SPANXN5: variants seen among roughly 807,000 people sequenced by gnomAD.
The protein encoded by SPANXN5 is SPANX family member N5, also known as sperm protein associated with the nucleus on the X chromosome N5.
Under a neutral mutation model 4.5 loss-of-function variants are expected in SPANXN5, and 5 were observed. The ratio of observed to expected loss-of-function variants is 1.11; its 90% CI spans 0.58 to 2.33. The LOEUF is 2.33. Ranked by LOEUF, SPANXN5 falls within the 30% of genes most tolerant of loss-of-function variation. SPANXN5 has a pLI of 0.01. For missense variants in SPANXN5, 41 were observed against 50.3 expected, an observed-to-expected ratio of 0.82 and a Z score of 0.56; for synonymous variants, 20 against 20.4, an observed-to-expected ratio of 0.98 and a Z score of 0.05.
In SPANXN5 at chrX:52,796,185, G is replaced by T; in HGVS notation, c.*303C>A. On this transcript the variant is annotated 3_prime_UTR_variant, in exon 2 of 2. Coordinates refer to ENST00000375511, the MANE Select transcript of SPANXN5 (RefSeq NM_001009616.4). ...GATTTTATTGTAATCATCACCGTTG[G>T]TGGTGAGGATTTGTCCAATTTGGTT... The T allele has an allele frequency of 1.4e-5, 4 of 295,331 alleles. No individual in the cohort carries two copies. The highest frequency in any genetic ancestry group is 6.7e-5 in the East Asian group (1 of 14,883). 24.3% of individuals were successfully genotyped at this position (295,331 alleles called of 1,213,427 possible).
At chrX:52,796,977 C>G (rs1366977291) in intron 1 of SPANXN5, among the ~76,000 whole-genome samples, 15 of 111,765 alleles carry the variant, frequency 1.3e-4, no homozygotes, top group Non-Finnish European at 2.4e-4. Context: ...CCTATCATAT[C>G]TTGCTTGGCA....
rs1285312276 is a variant in SPANXN5, at chrX:52,796,550, C to A, written c.157G>T (p.Val53Leu). 1.7e-6 allele frequency: 2 copies of A among 1,209,794 alleles called. No homozygotes were observed. The highest frequency in any genetic ancestry group is 2.2e-6 in the Non-Finnish European group (2 of 894,793). The change falls in exon 2 of 2, where the codon GTG (valine) becomes TTG (leucine). Residue 53 changes from valine to leucine, a missense_variant. By Grantham distance (32) the Val-to-Leu change is conservative (BLOSUM62 1). Coordinates refer to ENST00000375511, the MANE Select transcript of SPANXN5 (RefSeq NM_001009616.4). ...MKTSEYSTVL[V>L]LCYRKTKKIH... is the part of the protein sequence containing the mutation. ...TTCTTAGTCTTCCTGTAGCACAACA[C>A]TAATACTGTTGAATATTCTGATGTT...
In SPANXN5 at chrX:52,796,593, C is replaced by T. The variant is rs782727652; in HGVS notation, c.114G>A (p.Pro38=). The change falls in exon 2 of 2, where the codon CCG becomes CCA. Residue 38 remains proline, a synonymous_variant. Transcript: ENST00000375511. The part of the protein sequence containing the change: ...ETPNRDLVLE[P]SLKKMKTSEY... ...CTGATGTTTTCATCTTTTTCAAACT[C>T]GGTTCGAGGACTAAGTCCCTGTTTG... 24 of 1,209,926 alleles carry T rather than the reference C, an allele frequency of 2.0e-5. No homozygotes were observed. Among genetic ancestry groups the T allele is most frequent in the South Asian group, 7.0e-5 (4 of 56,795 alleles).
chrX:52,796,514 T>C lies in SPANXN5; in HGVS notation c.193A>G (p.Asn65Asp), dbSNP rs1926572014. Reference sequence around the variant, plus strand: ...CAGGACTGGTCATTCTCGAGTTGATTTGAATGTATTTTCTTAGTCTTCCTG... The same window carrying C: ...CAGGACTGGTCATTCTCGAGTTGATCTGAATGTATTTTCTTAGTCTTCCTG... ...CYRKTKKIHS[N>D]QLENDQS Residue 65 changes from asparagine to aspartate, a missense_variant, in exon 2 of 2, where the codon AAT becomes GAT. Coordinates refer to ENST00000375511, the MANE Select transcript of SPANXN5 (RefSeq NM_001009616.4). 1 of 1,209,670 alleles carries C rather than the reference T, an allele frequency of 8.3e-7. No homozygotes were observed. The highest frequency in any genetic ancestry group is 1.1e-6 in the Non-Finnish European group (1 of 894,858).
Position 52,797,176 on chromosome X carries a change from C to T in SPANXN5, c.75+98G>A. ...GCATTAAGCTGGTCCCCCACTTCCACAAGCGTCTGCAGTATTCCTGTGTTG... is the reference window on the plus strand; with the variant it reads ...GCATTAAGCTGGTCCCCCACTTCCATAAGCGTCTGCAGTATTCCTGTGTTG... On this transcript the variant is annotated intron_variant, in intron 1 of 1. Coordinates refer to ENST00000375511, the MANE Select transcript of SPANXN5 (RefSeq NM_001009616.4). 3.1e-6 allele frequency: 3 copies of T among 961,117 alleles called. No homozygotes were observed. In the Admixed American group the frequency reaches 6.8e-5, roughly 22 times the overall value. The allele number at this position is 961,117 out of a possible 1,213,427, so 79.2% of individuals were successfully genotyped here.
intron 1 of SPANXN5, 81 bp from the exon 2 acceptor site, chrX:52,796,712 T>G (rs2146521716): frequency 8.7e-7 from 1 of 1,147,040 alleles, no homozygotes; most frequent in African/African-American, 1.8e-5. Flanking sequence ...GGGGGCTTTA[T>G]GAGAAGGAAT....
chrX:52,797,208 G>C, intron 1 of SPANXN5, 66 bp downstream of exon 1: 4 of 1,126,151 alleles, frequency 3.6e-6, no homozygotes, highest in Middle Eastern at 2.4e-4. Flanking sequence ...GTTGCTGTTT[G>C]AGCTGCCCCC....
intron 1 of SPANXN5, 83 bp downstream of exon 1, chrX:52,797,191 T>C: frequency 9.7e-7 from 1 of 1,031,455 alleles, no homozygotes; most frequent in Middle Eastern, 2.6e-4. Flanking sequence ...GTCTGCAGTA[T>C]TCCTGTGTTG....
chrX:52,796,550 C>T lies in SPANXN5; in HGVS notation c.157G>A (p.Val53Met). The stretch of plus-strand genomic sequence containing the variant: ...TTCTTAGTCTTCCTGTAGCACAACA[C>T]TAATACTGTTGAATATTCTGATGTT... ...MKTSEYSTVL[V>M]LCYRKTKKIH... The change falls in exon 2 of 2, where the codon GTG (valine) becomes ATG (methionine). Residue 53 changes from valine to methionine, a missense_variant. Transcript: ENST00000375511. The T allele has an allele frequency of 8.3e-7, 1 of 1,211,305 alleles. No individual in the cohort carries two copies. The highest frequency in any genetic ancestry group is 3.0e-5 in the East Asian group (1 of 33,865).
At position 52,796,594 on chromosome X, in the gene SPANXN5, G is replaced by T. The variant is rs150967779; in HGVS notation, c.113C>A (p.Pro38Gln). Residue 38 changes from proline (P) to glutamine (Q), a missense_variant, in exon 2 of 2, where the codon CCG becomes CAG. Transcript: ENST00000375511. ...ETPNRDLVLE[P>Q]SLKKMKTSEY... ...TGATGTTTTCATCTTTTTCAAACTC[G>T]GTTCGAGGACTAAGTCCCTGTTTGG... The T allele has an allele frequency of 1.6e-5, 19 of 1,209,785 alleles. No homozygotes were observed. The African/African-American group carries it at 2.8e-4, about 18-fold the overall frequency.
chrX:52,796,316 C>T lies in SPANXN5; in HGVS notation c.*172G>A, dbSNP rs1446284369. ...CCTTCAGATGAGTCTAGGTCTTCATCCTCTTGTGAAGATCCTTCAGATAAC... is the reference window on the plus strand; with the variant it reads ...CCTTCAGATGAGTCTAGGTCTTCATTCTCTTGTGAAGATCCTTCAGATAAC... On this transcript the variant is annotated 3_prime_UTR_variant, in exon 2 of 2. Transcript: ENST00000375511. The T allele has an allele frequency of 8.6e-6, 6 of 699,708 alleles. No homozygotes were observed. Among genetic ancestry groups the T allele is most frequent in the Non-Finnish European group, 1.3e-5 (6 of 461,760 alleles). 57.7% of individuals were successfully genotyped at this position (699,708 alleles called of 1,213,427 possible). A position where few individuals can be genotyped will look rare whatever the true frequency, so the allele number is the denominator to read the frequency against.
At position 52,796,522 on chromosome X, in the gene SPANXN5, AT is replaced by A; in HGVS notation, c.184del (p.Ile62TyrfsTer34). 8.3e-7 allele frequency: 1 copy of A among 1,210,808 alleles called. No individual in the cohort carries two copies. The highest frequency in any genetic ancestry group is 1.8e-5 in the South Asian group (1 of 56,870). On this transcript the variant is annotated frameshift_variant, in exon 2 of 2. Coordinates refer to ENST00000375511, the MANE Select transcript of SPANXN5 (RefSeq NM_001009616.4). LOFTEE classifies it high-confidence loss of function. ...LVLCYRKTKK[I>X]HSNQLENDQS ...GTCATTCTCGAGTTGATTTGAATGT[AT>A]TTTCTTAGTCTTCCTGTAGCACAAC... is the stretch of plus-strand genomic sequence containing the variant.
chrX:52,797,349 G>T lies in SPANXN5; in HGVS notation c.-1C>A, dbSNP rs1556775841. On this transcript the variant is annotated 5_prime_UTR_variant, in exon 1 of 2. Transcript: ENST00000375511. ...TGGTGCTTGAAGTGGGCTTTTCCAT[G>T]ATTCTGGTTGGTTGTTGAATGTCTA... is the stretch of plus-strand genomic sequence containing the variant. The T allele has an allele frequency of 2.5e-6, 3 of 1,210,790 alleles. No homozygotes were observed. The highest frequency in any genetic ancestry group is 1.8e-5 in the South Asian group (1 of 56,937).
chrX:52,797,214 C>T, intron 1 of SPANXN5, 60 bp downstream of exon 1: 2 of 1,145,490 alleles, frequency 1.7e-6, no homozygotes, highest in Non-Finnish European at 1.2e-6. Flanking sequence ...GTTTGAGCTG[C>T]CCCCTCTCTG....
At chrX:52,796,837 T>A (rs1423490738) in intron 1 of SPANXN5, among the ~76,000 whole-genome samples, 4 of 111,391 alleles carry the variant, frequency 3.6e-5, no homozygotes, top group African/African-American at 6.5e-5. Context: ...AACTGCACCA[T>A]TTTGTAAGTT....
chrX:52,796,411 G>A lies in SPANXN5; in HGVS notation c.*77C>T. The A allele has an allele frequency of 8.7e-7, 1 of 1,150,075 alleles. No homozygotes were observed. The highest frequency in any genetic ancestry group is 3.0e-5 in the East Asian group (1 of 33,280). The allele number at this position is 1,150,075 out of a possible 1,213,427, so 94.8% of individuals were successfully genotyped here. On this transcript the variant is annotated 3_prime_UTR_variant, in exon 2 of 2. Coordinates refer to ENST00000375511, the MANE Select transcript of SPANXN5 (RefSeq NM_001009616.4). ...GTCTTCATCCTGCTTTGAAGATTCT[G>A]CAGATGAGTCTAGGTCTTCGTCCTC...
intron 1 of SPANXN5, 146 bp downstream of exon 1, chrX:52,797,128 G>T: frequency 1.6e-6 from 1 of 634,487 alleles, no homozygotes; most frequent in East Asian, 3.5e-5. Flanking sequence ...AGTACCCCAG[G>T]CTGTAAGCGG....
Position 52,797,363 on chromosome X carries a change from G to A in SPANXN5, c.-15C>T. The A allele has an allele frequency of 8.3e-6, 10 of 1,206,319 alleles. No homozygotes were observed. The highest frequency in any genetic ancestry group is 1.1e-5 in the Non-Finnish European group (10 of 890,767). On this transcript the variant is annotated 5_prime_UTR_variant, in exon 1 of 2. Transcript: ENST00000375511. ...GGCTTTTCCATGATTCTGGTTGGTT[G>A]TTGAATGTCTACAGCAGGATCTTGT...
Position 52,797,415 on chromosome X carries a change from GA to G in SPANXN5, c.-68del, listed in dbSNP as rs1295787471. 3.7e-5 allele frequency: 41 copies of G among 1,113,598 alleles called. No individual in the cohort carries two copies. Among genetic ancestry groups the G allele is most frequent in the Non-Finnish European group, 5.0e-5 (41 of 812,671 alleles). 91.8% of individuals were successfully genotyped at this position (1,113,598 alleles called of 1,213,427 possible). ...GAGTCCAGACTTCCACAGCTATATT[GA>G]AGCTTCCCAGTGGCCCAGAGCTCTT... On this transcript the variant is annotated 5_prime_UTR_variant, in exon 1 of 2. Coordinates refer to ENST00000375511, the MANE Select transcript of SPANXN5 (RefSeq NM_001009616.4).
Sources: gnomAD v4.1 joint callset for allele counts (sites outside exome capture counted in the v4.1 genomes callset) on GRCh38, gnomAD v4.1.1 for gene constraint, MANE v1.5 for transcripts, NCBI Gene and HGNC (gene_info 2026-07-23, HGNC 2026-07-21) for gene names.